Variants in COL23A1 observed in about 807,000 individuals in gnomAD.
The protein encoded by COL23A1 is collagen alpha-1(XXIII) chain.
A neutral mutation model predicts 99.3 loss-of-function variants in COL23A1; 97 were observed. That is an observed-to-expected ratio of 0.98 (90% CI 0.83 to 1.16). The LOEUF (loss-of-function observed/expected upper bound fraction) is 1.16, where lower values mean the gene tolerates loss of function less well. Among genes scored for constraint, COL23A1 ranks in the 50% most tolerant of loss-of-function variants. COL23A1 has a pLI of 0.00. For synonymous variants in COL23A1, 320 were observed against 308.2 expected, an observed-to-expected ratio of 1.04 and a Z score of -0.40; for missense variants, 762 against 757.4, an observed-to-expected ratio of 1.01 and a Z score of -0.07.
chr5:178,333,236 G>A (rs1462372133), intron 2 of COL23A1, among the ~76,000 whole-genome samples: 2 of 152,068 alleles, frequency 1.3e-5, no homozygotes, highest in African/African-American at 2.4e-5. Context: ...CATTACAGGC[G>A]TGAGCCACCG....
chr5:178,285,428 T>A (rs997767944), intron 5 of COL23A1, among the ~76,000 whole-genome samples: 3 of 152,176 alleles, frequency 2.0e-5, no homozygotes, highest in Non-Finnish European at 2.9e-5. Flanking sequence ...AACCAAAAAA[T>A]GCTTTTTCTA....
chr5:178,424,228 A>T (rs1005642088), intron 2 of COL23A1, among the ~76,000 whole-genome samples: 1 of 152,192 alleles, frequency 6.6e-6, no homozygotes, highest in African/African-American at 2.4e-5. Flanking sequence ...CTTGCCCTGC[A>T]TTAGGTGCCA....
chr5:178,499,039 G>A (rs555831870), intron 2 of COL23A1, among the ~76,000 whole-genome samples: 1 of 152,258 alleles, frequency 6.6e-6, no homozygotes, highest in Non-Finnish European at 1.5e-5. Flanking sequence ...GCAGTGAGCT[G>A]AGATCATGCC....
At chr5:178,584,342 A>ACACACACC (rs761980992) in intron 1 of COL23A1, among the ~76,000 whole-genome samples, 1 of 148,894 alleles carries the variant, frequency 6.7e-6, no homozygotes, top group Non-Finnish European at 1.5e-5. Context: ...ACACACACAC[A>ACACACACC]CCTAGAAATA....
chr5:178,271,835 G>A (rs556668647), intron 5 of COL23A1, among the ~76,000 whole-genome samples: 2 of 152,308 alleles, frequency 1.3e-5, no homozygotes, highest in East Asian at 1.9e-4. Context: ...GGCCCTGTAA[G>A]CAAAAGAGAG....
intron 2 of COL23A1, among the ~76,000 whole-genome samples, chr5:178,389,343 T>C (rs555920177): frequency 6.6e-6 from 1 of 152,186 alleles, no homozygotes; most frequent in East Asian, 1.9e-4. Context: ...TTGGCTACAC[T>C]CTCCCCTGTG....
chr5:178,561,204 GC>G (rs1382362518), intron 1 of COL23A1, among the ~76,000 whole-genome samples: 1 of 152,190 alleles, frequency 6.6e-6, no homozygotes, highest in Non-Finnish European at 1.5e-5. Context: ...CATGGCTGCA[GC>G]CCCTCCTAGC....
intron 2 of COL23A1, among the ~76,000 whole-genome samples, chr5:178,383,409 G>C (rs1490784545): frequency 6.6e-6 from 1 of 152,226 alleles, no homozygotes; most frequent in African/African-American, 2.4e-5. Flanking sequence ...AGGGGTCAAG[G>C]GTGGCTCCCT....
At position 178,309,467 on chromosome 5, in the gene COL23A1, C is replaced by G. The variant is rs1758549879; in HGVS notation, c.362-2548G>C. Among the ~76,000 whole-genome samples the G allele has an allele frequency of 6.6e-6, 1 of 152,032 alleles. No homozygotes were observed. The highest frequency in any genetic ancestry group is 2.1e-4 in the South Asian group (1 of 4,818). Reference sequence around the variant, plus strand: ...CGTGGAGGGAGAGAATGAAGCTGGTCATGCACACTCCTGAGGGCTGATCCT... The same window carrying G: ...CGTGGAGGGAGAGAATGAAGCTGGTGATGCACACTCCTGAGGGCTGATCCT... On this transcript the variant is annotated intron_variant, in intron 2 of 28. Coordinates refer to ENST00000390654, the MANE Select transcript of COL23A1 (RefSeq NM_173465.4). The surrounding 1 kb of genome is among the most constrained non-coding windows in gnomAD (Gnocchi z 4.7).
intron 2 of COL23A1, among the ~76,000 whole-genome samples, chr5:178,479,244 G>C (rs1335410048): frequency 6.6e-6 from 1 of 152,182 alleles, no homozygotes; most frequent in East Asian, 1.9e-4. Flanking sequence ...TGAAGAAATG[G>C]AGGTTCATAG....
chr5:178,574,929 A>G (rs1258234019), intron 1 of COL23A1, among the ~76,000 whole-genome samples: 1 of 152,176 alleles, frequency 6.6e-6, no homozygotes, highest in African/African-American at 2.4e-5. Context: ...CTTCCAGCCC[A>G]TTCTTTTGGG....
chr5:178,532,075 T>A (rs1214684993), intron 2 of COL23A1, among the ~76,000 whole-genome samples: 1 of 152,236 alleles, frequency 6.6e-6, no homozygotes, highest in Non-Finnish European at 1.5e-5. Context: ...GTGTGCCATC[T>A]GCCGACGTGG....
intron 2 of COL23A1, among the ~76,000 whole-genome samples, chr5:178,508,820 C>T (rs937608410): frequency 1.3e-5 from 2 of 152,208 alleles, no homozygotes; most frequent in Non-Finnish European, 2.9e-5. Context: ...GAGGTCACCA[C>T]TGTGTCATTC....
intron 27 of COL23A1, among the ~76,000 whole-genome samples, chr5:178,240,261 G>C (rs1218118487): frequency 3.3e-5 from 5 of 152,230 alleles, no homozygotes; most frequent in Non-Finnish European, 7.3e-5. Context: ...ACAGGAATGA[G>C]CCTCAGACAC....
intron 2 of COL23A1, among the ~76,000 whole-genome samples, chr5:178,543,025 A>C (rs1191684373): frequency 6.6e-6 from 1 of 152,112 alleles, no homozygotes; most frequent in Non-Finnish European, 1.5e-5. Flanking sequence ...GTGAGATGCG[A>C]GTACAGGGAG....
rs79034530 is a variant in COL23A1, at chr5:178,365,499, T to C, written c.362-58580A>G. 0.017 allele frequency among the ~76,000 whole-genome samples: 2,656 copies of C among 152,098 alleles called. 46 individuals are homozygous for C. Among genetic ancestry groups the C allele is most frequent in the Non-Finnish European group, 0.024 (1,641 of 67,980 alleles). On this transcript the variant is annotated intron_variant, in intron 2 of 28. Transcript: ENST00000390654. The surrounding 1 kb of genome is among the most constrained non-coding windows in gnomAD (Gnocchi z 5.2). Reference sequence around the variant, plus strand: ...GGGTACCCGCCACCCAATCCCTCTTTCTTCTGATGTCGACAGGATCAAGCA... The same window carrying C: ...GGGTACCCGCCACCCAATCCCTCTTCCTTCTGATGTCGACAGGATCAAGCA...
intron 2 of COL23A1, among the ~76,000 whole-genome samples, chr5:178,546,739 G>A (rs925153303): frequency 3.3e-5 from 5 of 152,198 alleles, no homozygotes; most frequent in African/African-American, 1.2e-4. Flanking sequence ...ATGTAGCAAG[G>A]GCAGCTATTT....
At chr5:178,296,636 T>C (rs938465346) in intron 3 of COL23A1, among the ~76,000 whole-genome samples, 14 of 151,788 alleles carry the variant, frequency 9.2e-5, no homozygotes, top group African/African-American at 3.4e-4. Flanking sequence ...GGGTGTGTGG[T>C]GTGTCTGAAT....
intron 11 of COL23A1, 58 bp from the exon 12 acceptor site, chr5:178,259,805 G>C: frequency 6.6e-7 from 1 of 1,507,722 alleles, no homozygotes; most frequent in Non-Finnish European, 9.0e-7. Context: ...GAGTGGCCCG[G>C]ACCCCGGACC....
Sources: allele counts gnomAD v4.1 joint callset (sites outside exome capture counted in the v4.1 genomes callset), GRCh38; gene constraint gnomAD v4.1.1; non-coding constraint Gnocchi (gnomAD v3.1); transcripts MANE v1.5; gene names NCBI Gene and HGNC (gene_info 2026-07-23, HGNC 2026-07-21).